The following SCML2 variants were observed in gnomAD, a reference collection of about 807,000 sequenced individuals.
SCML2 encodes sex comb on midleg-like protein 2.
Under a neutral mutation model 48.4 loss-of-function variants are expected in SCML2, and 6 were observed. The ratio of observed to expected loss-of-function variants is 0.12; its 90% CI spans 0.07 to 0.24. SCML2 has a LOEUF of 0.24. Among genes scored for constraint, SCML2 ranks in the 10% least tolerant of loss-of-function variants. SCML2 has a pLI of 1.00. For missense variants in SCML2, 377 were observed against 528.2 expected (o/e 0.71, Z 2.81); for synonymous variants, 181 against 189.5 (o/e 0.95, Z 0.37).
chrX:18,295,533 G>A (rs191832853), intron 7 of SCML2, among the ~76,000 whole-genome samples: 6 of 107,175 alleles, frequency 5.6e-5, no homozygotes, highest in Admixed American at 1.0e-4. Context: ...CCCAAAAGTC[G>A]TCCTATCACC....
chrX:18,342,355 A>C (rs957210464), intron 1 of SCML2, among the ~76,000 whole-genome samples: 1 of 111,690 alleles, frequency 9.0e-6, no homozygotes, highest in African/African-American at 3.3e-5. Context: ...AGCCTTAAAA[A>C]AAAAAAAAAG....
At chrX:18,328,129 T>G (rs1255533213) in intron 3 of SCML2, among the ~76,000 whole-genome samples, 1 of 111,470 alleles carries the variant, frequency 9.0e-6, no homozygotes, top group Admixed American at 9.6e-5. Flanking sequence ...TCTATTCTAG[T>G]CTACACATTA....
At chrX:18,312,435 T>A (rs1323097224) in intron 6 of SCML2, among the ~76,000 whole-genome samples, 1 of 111,388 alleles carries the variant, frequency 9.0e-6, no homozygotes, top group Non-Finnish European at 1.9e-5. Context: ...ATTTAAGTAA[T>A]CTCTAGATTA....
At chrX:18,265,038 G>A (rs768260842) in intron 8 of SCML2, among the ~76,000 whole-genome samples, 26 of 111,718 alleles carry the variant, frequency 2.3e-4, no homozygotes, top group Admixed American at 4.8e-4. Context: ...AAGTGTACTT[G>A]ACCTAAGGCT....
intron 7 of SCML2, among the ~76,000 whole-genome samples, chrX:18,303,052 C>A (rs957592401): frequency 9.0e-6 from 1 of 111,345 alleles, no homozygotes; most frequent in Admixed American, 9.5e-5. Context: ...CTCCACAGTG[C>A]CTAGCATATG....
chrX:18,353,974 T>C (rs978034475), intron 1 of SCML2, among the ~76,000 whole-genome samples: 4 of 112,257 alleles, frequency 3.6e-5, no homozygotes, highest in Non-Finnish European at 7.5e-5. Context: ...TTAGAGCCCC[T>C]CCTCGCCTCC....
rs1265744160 is a variant in SCML2 at position 18,293,122 on chromosome X, A to C, written c.730+11850T>G. ...GCTTTGAGCATTTACTTTTTCTATT[A>C]GAAGAAAATTGTTATGTTAAAAATT... On this transcript the variant is annotated intron_variant, in intron 7 of 14. Coordinates refer to ENST00000251900, the MANE Select transcript of SCML2 (RefSeq NM_006089.3). Among the ~76,000 whole-genome samples the C allele has an allele frequency of 4.5e-5, 5 of 112,045 alleles. No homozygotes were observed. The Admixed American group carries it at 4.8e-4, about 11-fold the overall frequency.
At chrX:18,242,658 G>A in intron 13 of SCML2, 68 bp from the exon 14 acceptor site, 2 of 1,081,574 alleles carry the variant, frequency 1.8e-6, no homozygotes, top group Non-Finnish European at 2.5e-6. Flanking sequence ...AGAGATGTTA[G>A]GTAGGGAATA....
intron 7 of SCML2, among the ~76,000 whole-genome samples, chrX:18,276,207 T>C (rs773232279): frequency 1.1e-3 from 120 of 110,228 alleles, no homozygotes; most frequent in African/African-American, 3.9e-3. Context: ...GGCACGACAA[T>C]TGGTTGAACC....
In SCML2 at chrX:18,250,917, G is replaced by A. The variant is rs752946540; in HGVS notation, c.1457-3035C>T. Among the ~76,000 whole-genome samples, 9 of 110,120 alleles carry A rather than the reference G, an allele frequency of 8.2e-5. No individual in the cohort carries two copies. In the East Asian group the frequency reaches 1.2e-3, roughly 14 times the overall value. On this transcript the variant is annotated intron_variant, in intron 11 of 14. Transcript: ENST00000251900. ...GAAGGCAAAGGAGGAGCAAAGGCAC[G>A]TCTTACATGGCAGCAGGCGGAAGTG...
chrX:18,262,337 CTTT>C (rs780523423), intron 8 of SCML2, among the ~76,000 whole-genome samples: 2 of 78,453 alleles, frequency 2.5e-5, no homozygotes, highest in African/African-American at 5.5e-5. Flanking sequence ...CTGGGTCTAC[CTTT>C]TTTTTTTTTT....
chrX:18,312,996 T>A (rs1389258290), intron 6 of SCML2, among the ~76,000 whole-genome samples: 4 of 95,370 alleles, frequency 4.2e-5, no homozygotes, highest in African/African-American at 1.3e-4. Context: ...TGTGTGTGTG[T>A]GTGTGTGTGT....
intron 7 of SCML2, among the ~76,000 whole-genome samples, chrX:18,267,799 C>T (rs920398897): frequency 9.1e-6 from 1 of 110,409 alleles, no homozygotes; most frequent in African/African-American, 3.3e-5. Context: ...GGTTTCACCA[C>T]GTTAGCCAGG....
chrX:18,326,091 G>C (rs1291200755), intron 3 of SCML2, among the ~76,000 whole-genome samples: 1 of 112,158 alleles, frequency 8.9e-6, no homozygotes, highest in Non-Finnish European at 1.9e-5. Context: ...AAGGTGCCAA[G>C]GTAAAACCAC....
At chrX:18,310,897 C>T (rs1219867160) in intron 6 of SCML2, among the ~76,000 whole-genome samples, 1 of 111,870 alleles carries the variant, frequency 8.9e-6, no homozygotes, top group African/African-American at 3.2e-5. Context: ...CCTCATGGTT[C>T]ACTGTCTGCC....
chrX:18,267,167 A>T (rs1346445492), intron 7 of SCML2, among the ~76,000 whole-genome samples: 4 of 111,815 alleles, frequency 3.6e-5, no homozygotes, highest in African/African-American at 1.3e-4. Context: ...AAACTCTTGT[A>T]TCTCCAAGAC....
At chrX:18,242,699 T>C (rs1926308232) in intron 13 of SCML2, 109 bp from the exon 14 acceptor site, 2 of 833,729 alleles carry the variant, frequency 2.4e-6, no homozygotes, top group African/African-American at 2.1e-5. Context: ...TTTTGTTAAG[T>C]TCCCCAACAA....
intron 1 of SCML2, among the ~76,000 whole-genome samples, chrX:18,339,462 C>T (rs1038970953): frequency 4.5e-5 from 5 of 112,244 alleles, no homozygotes; most frequent in Non-Finnish European, 9.4e-5. Flanking sequence ...AATCCCAGCA[C>T]TTTAGGAGGT....
At chrX:18,320,960 G>A (rs190434666) in intron 5 of SCML2, among the ~76,000 whole-genome samples, 21 of 111,308 alleles carry the variant, frequency 1.9e-4, no homozygotes, top group Non-Finnish European at 2.6e-4. Context: ...TTTAGGGGAC[G>A]TGCACTGATA....
Sources: allele counts gnomAD v4.1 joint callset (sites outside exome capture counted in the v4.1 genomes callset), GRCh38; gene constraint gnomAD v4.1.1; transcripts MANE v1.5; gene names NCBI Gene and HGNC (gene_info 2026-07-23, HGNC 2026-07-21).